The following ADAMTSL1 variants were observed in gnomAD, a reference collection of about 807,000 sequenced individuals.
The protein encoded by ADAMTSL1 is ADAMTS-like protein 1.
A neutral mutation model predicts 201.8 loss-of-function variants in ADAMTSL1; 126 were observed. That is an observed-to-expected ratio of 0.62 (90% CI 0.54 to 0.72). ADAMTSL1 has a LOEUF of 0.72. ADAMTSL1 is among the 30% of genes least tolerant of loss of function. ADAMTSL1 has a pLI of 0.00. For missense variants in ADAMTSL1, 2,679 were observed against 2,277.8 expected, an observed-to-expected ratio of 1.18 and a Z score of -3.59; for synonymous variants, 1,121 against 903.4, an observed-to-expected ratio of 1.24 and a Z score of -4.32.
intron 1 of ADAMTSL1, among the ~76,000 whole-genome samples, chr9:18,085,733 T>TTA (rs1823738918): frequency 6.6e-6 from 1 of 150,666 alleles, no homozygotes; most frequent in Non-Finnish European, 1.5e-5. Context: ...ATATAGCAGG[T>TTA]TATATATATA....
At chr9:18,494,216 C>A (rs1335307178) in intron 1 of ADAMTSL1, among the ~76,000 whole-genome samples, 1 of 151,956 alleles carries the variant, frequency 6.6e-6, no homozygotes. Context: ...ATTACCCGGG[C>A]ATGGTGGCGG....
intron 2 of ADAMTSL1, among the ~76,000 whole-genome samples, chr9:18,528,492 A>T (rs891429047): frequency 2.6e-5 from 4 of 152,118 alleles, no homozygotes; most frequent in African/African-American, 9.7e-5. Context: ...TTTGCTGAGG[A>T]TAATGGTTTC....
At chr9:18,115,540 A>G (rs1825213744) in intron 1 of ADAMTSL1, among the ~76,000 whole-genome samples, 2 of 152,038 alleles carry the variant, frequency 1.3e-5, no homozygotes, top group African/African-American at 4.8e-5. Flanking sequence ...TGCACTTTAA[A>G]AGGAAAAAAA....
At chr9:18,566,364 T>C (rs1288732505) in intron 3 of ADAMTSL1, among the ~76,000 whole-genome samples, 1 of 152,166 alleles carries the variant, frequency 6.6e-6, no homozygotes, top group Non-Finnish European at 1.5e-5. Context: ...CTTCTGGAGG[T>C]TCTGCTGTAG....
At chr9:18,768,188 C>G (rs1991884) in intron 16 of ADAMTSL1, among the ~76,000 whole-genome samples, 118,708 of 152,238 alleles carry the variant, frequency 0.78, 46,902 homozygotes, top group East Asian at 0.96. Context: ...GGGTGAAAGA[C>G]TAAGACCAGG....
intron 26 of ADAMTSL1, among the ~76,000 whole-genome samples, chr9:18,903,572 T>C (rs925364336): frequency 6.6e-6 from 1 of 152,180 alleles, no homozygotes; most frequent in Non-Finnish European, 1.5e-5. Context: ...AATGAAAATG[T>C]GGGGCTGCTT....
At chr9:17,951,128 T>C (rs988067414) in intron 1 of ADAMTSL1, among the ~76,000 whole-genome samples, 1 of 152,192 alleles carries the variant, frequency 6.6e-6, no homozygotes, top group African/African-American at 2.4e-5. Flanking sequence ...ATTGGATAGA[T>C]GAACTCGCCT....
chr9:18,608,414 T>C (rs957646187), intron 4 of ADAMTSL1, among the ~76,000 whole-genome samples: 62 of 152,210 alleles, frequency 4.1e-4, no homozygotes, highest in African/African-American at 1.4e-3. Flanking sequence ...AACTAGACTA[T>C]AGCAGGAAAG....
At chr9:18,421,725 T>A (rs575906973) in intron 2 of ADAMTSL1, among the ~76,000 whole-genome samples, 1 of 152,224 alleles carries the variant, frequency 6.6e-6, no homozygotes, top group South Asian at 2.1e-4. Flanking sequence ...TACAGATTGC[T>A]GTACAGAATG....
intron 2 of ADAMTSL1, among the ~76,000 whole-genome samples, chr9:18,262,487 A>T (rs1831961839): frequency 6.6e-6 from 1 of 152,208 alleles, no homozygotes; most frequent in African/African-American, 2.4e-5. Context: ...CATATCGTAT[A>T]AGAGACATTC....
chr9:18,310,397 A>AAAAAAAAAAAAAAAAAT (rs1834095565), intron 2 of ADAMTSL1, among the ~76,000 whole-genome samples: 1 of 139,414 alleles, frequency 7.2e-6, no homozygotes, highest in Admixed American at 7.3e-5. Flanking sequence ...AAAAAAAAAA[A>AAAAAAAAAAAAAAAAAT]AACTATCTTC....
At chr9:18,506,301 CT>C (rs2131941330) in intron 2 of ADAMTSL1, among the ~76,000 whole-genome samples, 1 of 152,306 alleles carries the variant, frequency 6.6e-6, no homozygotes, top group Non-Finnish European at 1.5e-5. Context: ...GATAATGTAA[CT>C]GATAATATTC....
intron 2 of ADAMTSL1, among the ~76,000 whole-genome samples, chr9:18,416,791 A>G (rs1462886679): frequency 1.3e-5 from 2 of 152,048 alleles, no homozygotes; most frequent in African/African-American, 4.8e-5. Context: ...AAATCTGGGT[A>G]AAACCCCAGG....
chr9:18,674,330 A>G (rs772789069), intron 9 of ADAMTSL1, among the ~76,000 whole-genome samples: 1 of 152,116 alleles, frequency 6.6e-6, no homozygotes, highest in African/African-American at 2.4e-5. Context: ...TAGTACTCCA[A>G]TGACCTTCCC....
intron 23 of ADAMTSL1, among the ~76,000 whole-genome samples, chr9:18,885,792 G>T (rs752743269): frequency 2.0e-4 from 31 of 152,106 alleles, no homozygotes; most frequent in Non-Finnish European, 3.7e-4. Flanking sequence ...GAAGGAGGTA[G>T]CAAGGTGCCC....
intron 2 of ADAMTSL1, among the ~76,000 whole-genome samples, chr9:18,218,323 A>G (rs999360448): frequency 2.6e-5 from 4 of 152,182 alleles, no homozygotes; most frequent in African/African-American, 9.6e-5. Flanking sequence ...CCACTGAGTG[A>G]GGCATTTCAT....
intron 1 of ADAMTSL1, among the ~76,000 whole-genome samples, chr9:18,478,032 C>T (rs1357575172): frequency 6.6e-6 from 1 of 152,022 alleles, no homozygotes; most frequent in Admixed American, 6.5e-5. Flanking sequence ...TGTATTTGTG[C>T]ATTTGTATGT....
chr9:18,872,967 G>T (rs1236134584), intron 23 of ADAMTSL1, among the ~76,000 whole-genome samples: 1 of 152,226 alleles, frequency 6.6e-6, no homozygotes, highest in African/African-American at 2.4e-5. Context: ...TTTCTACCAC[G>T]TACATGCCAA....
chr9:18,891,560 G>A (rs1588322468), intron 25 of ADAMTSL1, among the ~76,000 whole-genome samples: 4 of 152,120 alleles, frequency 2.6e-5, no homozygotes, highest in African/African-American at 7.2e-5. Flanking sequence ...AAAGTCCATC[G>A]GTCACAGTCT....
Sources: gnomAD v4.1 joint callset for allele counts (sites outside exome capture counted in the v4.1 genomes callset) on GRCh38, gnomAD v4.1.1 for gene constraint, MANE v1.5 for transcripts, NCBI Gene and HGNC (gene_info 2026-07-23, HGNC 2026-07-21) for gene names.